The following CNTN4 variants were observed in gnomAD, a reference collection of about 807,000 sequenced individuals.
CNTN4 encodes the protein contactin-4.
Under a neutral mutation model 122.5 loss-of-function variants are expected in CNTN4, and 77 were observed. That is an observed-to-expected ratio of 0.63 (90% confidence interval 0.52 to 0.76). CNTN4 has a LOEUF of 0.76. Ranked by LOEUF, CNTN4 falls within the 30% of genes least tolerant of loss-of-function variation. The probability of loss-of-function intolerance (pLI) is 0.00; values close to 1 mark genes in which losing one functional copy is unlikely to be tolerated. For synonymous variants in CNTN4, 512 were observed against 447.0 expected (o/e 1.15, Z -1.83); for missense variants, 1,256 against 1,259.1 (o/e 1.00, Z 0.04).
chr3:2,461,331 ATTAT>A (rs200115584), intron 3 of CNTN4, among the ~76,000 whole-genome samples: 2,886 of 149,180 alleles, frequency 0.019, 90 homozygotes, highest in African/African-American at 0.066. Flanking sequence ...GTTATCATTA[ATTAT>A]TAATTATTAA....
chr3:3,037,273 G>C lies in CNTN4; in HGVS notation c.2037G>C (p.Val679=), dbSNP rs1297321190. ...EYEFRTVAAN[V]IGIGEPSRPS... ...AATTCCGCACAGTTGCAGCCAACGT[G>C]ATTGGGATTGGGGAGCCCAGCCGCC... Residue 679 remains valine, a synonymous_variant, in exon 18 of 25, where the codon GTG becomes GTC. Transcript: ENST00000418658. 1.9e-6 allele frequency: 3 copies of C among 1,614,206 alleles called. No homozygotes were observed. Among genetic ancestry groups the C allele is most frequent in the Non-Finnish European group, 1.7e-6 (2 of 1,180,042 alleles).
At chr3:2,840,815 C>CAGA (rs565282709) in intron 7 of CNTN4, among the ~76,000 whole-genome samples, 1 of 152,206 alleles carries the variant, frequency 6.6e-6, no homozygotes, top group South Asian at 2.1e-4. Context: ...GACCAGAGAA[C>CAGA]AGAAGACCTG....
At chr3:2,308,520 C>G (rs1425151906) in intron 2 of CNTN4, among the ~76,000 whole-genome samples, 1 of 151,990 alleles carries the variant, frequency 6.6e-6, no homozygotes, top group Non-Finnish European at 1.5e-5. Flanking sequence ...TATACGCATT[C>G]AAAGCTTTAC....
At chr3:2,961,817 A>G (rs1428625804) in intron 13 of CNTN4, among the ~76,000 whole-genome samples, 1 of 152,238 alleles carries the variant, frequency 6.6e-6, no homozygotes, top group Non-Finnish European at 1.5e-5. Flanking sequence ...AAAGCCATCC[A>G]TTTAGATAAG....
rs113898694 is a variant in CNTN4, at chr3:2,148,974, G to C, written c.-145+48335G>C. ...TGTGTGTGTGTGTGTGTGTGTGTTG[G>C]GGGGGTGGTGTCTAAGGAGTAAATC... On this transcript the variant is annotated intron_variant, in intron 2 of 24. Coordinates refer to ENST00000418658, the MANE Select transcript of CNTN4 (RefSeq NM_175607.3). Among the ~76,000 whole-genome samples, 74 of 150,524 alleles carry C rather than the reference G, an allele frequency of 4.9e-4. No individual in the cohort carries two copies. The South Asian group carries it at 0.014, about 29-fold the overall frequency.
intron 8 of CNTN4, among the ~76,000 whole-genome samples, chr3:2,877,711 C>T (rs1423307973): frequency 6.6e-6 from 1 of 152,094 alleles, no homozygotes; most frequent in Non-Finnish European, 1.5e-5. Context: ...CATCAATGTT[C>T]GCACTCTTTT....
At chr3:2,214,867 G>A (rs989067552) in intron 2 of CNTN4, among the ~76,000 whole-genome samples, 5 of 152,028 alleles carry the variant, frequency 3.3e-5, no homozygotes, top group Non-Finnish European at 5.9e-5. Context: ...GAATATTGGA[G>A]GTCACTCAAA....
intron 6 of CNTN4, among the ~76,000 whole-genome samples, chr3:2,748,189 ATATT>A (rs1275507552): frequency 1.3e-5 from 2 of 152,202 alleles, no homozygotes; most frequent in African/African-American, 4.8e-5. Context: ...GCTGACAATA[ATATT>A]TATTTAATCT....
chr3:2,216,558 G>T (rs957217226), intron 2 of CNTN4, among the ~76,000 whole-genome samples: 1 of 152,004 alleles, frequency 6.6e-6, no homozygotes, highest in Non-Finnish European at 1.5e-5. Flanking sequence ...AAAAAAGAAT[G>T]CAAAACAAAC....
At chr3:2,256,205 T>A (rs377020606) in intron 2 of CNTN4, among the ~76,000 whole-genome samples, 1 of 152,130 alleles carries the variant, frequency 6.6e-6, no homozygotes, top group Non-Finnish European at 1.5e-5. Flanking sequence ...AATGTATAAA[T>A]TCCTGGACAC....
chr3:2,786,482 T>G (rs953276773), intron 6 of CNTN4, among the ~76,000 whole-genome samples: 1 of 152,206 alleles, frequency 6.6e-6, no homozygotes, highest in Admixed American at 6.5e-5. Flanking sequence ...GGTTAAGATC[T>G]GTGGGCTGCG....
chr3:2,603,372 C>T (rs1337125133), intron 4 of CNTN4, among the ~76,000 whole-genome samples: 1 of 152,108 alleles, frequency 6.6e-6, no homozygotes, highest in Non-Finnish European at 1.5e-5. Flanking sequence ...TAGAAATTGT[C>T]AGTCTCTTGT....
intron 2 of CNTN4, among the ~76,000 whole-genome samples, chr3:2,296,716 C>T (rs935308138): frequency 6.6e-6 from 1 of 151,400 alleles, no homozygotes; most frequent in African/African-American, 2.4e-5. Flanking sequence ...ATAAAATGGT[C>T]CACAGATATT....
intron 3 of CNTN4, among the ~76,000 whole-genome samples, chr3:2,418,385 T>G (rs1000135667): frequency 3.3e-5 from 5 of 152,118 alleles, no homozygotes; most frequent in African/African-American, 1.2e-4. Context: ...ACACAGAAAG[T>G]ATTTACAAAT....
intron 15 of CNTN4, among the ~76,000 whole-genome samples, chr3:3,027,801 T>C (rs182266543): frequency 6.6e-6 from 1 of 152,196 alleles, no homozygotes; most frequent in East Asian, 1.9e-4. Flanking sequence ...GTAGCCTTTA[T>C]GCCAGAATGG....
chr3:2,119,069 A>G (rs963063624), intron 2 of CNTN4, among the ~76,000 whole-genome samples: 1 of 152,244 alleles, frequency 6.6e-6, no homozygotes, highest in East Asian at 1.9e-4. Flanking sequence ...TGGACTTTGA[A>G]TAAAGCAGAT....
chr3:2,465,914 C>G (rs2075480839), intron 3 of CNTN4, among the ~76,000 whole-genome samples: 1 of 152,064 alleles, frequency 6.6e-6, no homozygotes. Flanking sequence ...ATGGAGTGTG[C>G]AATTCATAAT....
At chr3:2,382,667 C>T (rs2046071631) in intron 3 of CNTN4, among the ~76,000 whole-genome samples, 1 of 152,194 alleles carries the variant, frequency 6.6e-6, no homozygotes, top group Non-Finnish European at 1.5e-5. Context: ...CTTCCTTTTG[C>T]TTCCAGATTA....
Position 2,887,207 on chromosome 3 carries a change from G to T in CNTN4, c.923G>T (p.Gly308Val). Residue 308 changes from glycine (G) to valine (V), a missense_variant, in exon 10 of 25, where the codon GGA (glycine) becomes GTA (valine). By Grantham distance (109) the Gly-to-Val change is moderately radical. Transcript: ENST00000418658. ...ENSRGKNVAR[G>V]QLTFYAQPNW... The stretch of plus-strand genomic sequence containing the variant: ...TCCAGAGGGAAAAATGTAGCAAGGG[G>T]ACAGCTAACTTTCTATGGTAAGTGT... 1 of 1,613,386 alleles carries T rather than the reference G, an allele frequency of 6.2e-7. No individual in the cohort carries two copies.
Sources: allele counts gnomAD v4.1 joint callset (sites outside exome capture counted in the v4.1 genomes callset), GRCh38; gene constraint gnomAD v4.1.1; transcripts MANE v1.5; gene names NCBI Gene and HGNC (gene_info 2026-07-23, HGNC 2026-07-21).